KRTAP4-12: variants seen among roughly 807,000 people sequenced by gnomAD.
KRTAP4-12 encodes keratin associated protein 4-12, also known as keratin-associated protein 4-12.
A neutral mutation model predicts 0.9 loss-of-function variants in KRTAP4-12; 1 was observed. The observed-to-expected ratio is 1.11, with a 90% CI of 0.40 to 5.29. The LOEUF (loss-of-function observed/expected upper bound fraction) is 5.29. KRTAP4-12 is among the 30% of genes most tolerant of loss of function. The probability of loss-of-function intolerance (pLI) is 0.16; values close to 1 mark genes in which losing one functional copy is unlikely to be tolerated. For missense variants in KRTAP4-12, 240 were observed against 265.6 expected (o/e 0.90, Z 0.67); for synonymous variants, 85 against 94.0 (o/e 0.90, Z 0.55).
At position 41,123,938 on chromosome 17, in the gene KRTAP4-12, C is replaced by A; in HGVS notation, c.185G>T (p.Arg62Leu). ...GCAGGTGGTCTGACAGCAGCTGGGG[C>A]GGCAGCAGGTGGGCTGACAGCACAC... ...QSVCCQPTCC[R>L]PSCCQTTCCR... is the part of the protein sequence containing the mutation. The change falls in exon 1 of 1, where the codon CGC (arginine) becomes CTC (leucine). Residue 62 changes from arginine (R) to leucine (L), a missense_variant. By Grantham distance (102) the Arg-to-Leu change is moderately radical. Coordinates refer to ENST00000394014, the MANE Select transcript of KRTAP4-12 (RefSeq NM_031854.3). The A allele has an allele frequency of 5.1e-6, 8 of 1,559,600 alleles. No homozygotes were observed. The highest frequency in any genetic ancestry group is 6.0e-6 in the Non-Finnish European group (7 of 1,171,604).
chr17:41,123,330 T>A lies in KRTAP4-12; in HGVS notation c.*187A>T. 1 of 1,169,586 alleles carries A rather than the reference T, an allele frequency of 8.6e-7. No homozygotes were observed. Among genetic ancestry groups the A allele is most frequent in the Non-Finnish European group, 1.2e-6 (1 of 846,732 alleles). The allele number at this position is 1,169,586 out of a possible 1,614,324, so 72.5% of individuals were successfully genotyped here. On this transcript the variant is annotated 3_prime_UTR_variant, in exon 1 of 1. Transcript: ENST00000394014. Reference sequence around the variant, plus strand: ...ACAATTTGTCAATTTATTAGGAGATTGTCAATGAATTCCTTTGGAAGGAAG... The same window carrying A: ...ACAATTTGTCAATTTATTAGGAGATAGTCAATGAATTCCTTTGGAAGGAAG...
rs867314132 is a variant in KRTAP4-12 at position 41,123,360 on chromosome 17, T to C, written c.*157A>G. ...ATGAATTCCTTTGGAAGGAAGGGAG[T>C]TTGGACAAAAGGTAGAATGCAAATA... On this transcript the variant is annotated 3_prime_UTR_variant, in exon 1 of 1. Coordinates refer to ENST00000394014, the MANE Select transcript of KRTAP4-12 (RefSeq NM_031854.3). The C allele has an allele frequency of 3.8e-5, 52 of 1,365,128 alleles. No individual in the cohort carries two copies. Among genetic ancestry groups the C allele is most frequent in the South Asian group, 3.5e-4 (22 of 63,154 alleles). 84.6% of individuals were successfully genotyped at this position (1,365,128 alleles called of 1,614,324 possible). A position where few individuals can be genotyped will look rare whatever the true frequency, so the allele number is the denominator to read the frequency against.
In KRTAP4-12 at chr17:41,123,211, T is replaced by A; in HGVS notation, c.*306A>T. 1.8e-6 allele frequency: 1 copy of A among 548,814 alleles called. No individual in the cohort carries two copies. The highest frequency in any genetic ancestry group is 3.1e-6 in the Non-Finnish European group (1 of 321,046). The allele number at this position is 548,814 out of a possible 1,614,324, so 34.0% of individuals were successfully genotyped here. A position where few individuals can be genotyped will look rare whatever the true frequency, so the allele number is the denominator to read the frequency against. On this transcript the variant is annotated 3_prime_UTR_variant, in exon 1 of 1. Transcript: ENST00000394014. Reference sequence around the variant, plus strand: ...GACTTCAAGGTTGGAGGCTTTAAGATCTGTGGCCCTACAAATGATGGAGGC... The same window carrying A: ...GACTTCAAGGTTGGAGGCTTTAAGAACTGTGGCCCTACAAATGATGGAGGC...
Position 41,123,462 on chromosome 17 carries a change from G to A in KRTAP4-12, c.*55C>T. The A allele has an allele frequency of 6.5e-7, 1 of 1,545,170 alleles. No homozygotes were observed. The highest frequency in any genetic ancestry group is 8.7e-7 in the Non-Finnish European group (1 of 1,143,908). On this transcript the variant is annotated 3_prime_UTR_variant, in exon 1 of 1. Transcript: ENST00000394014. ...AACAGTCCGCATGTTTGCAATGAGAGCCTTCATCTGTAGGAAAGGACGTAA... is the reference window on the plus strand; with the variant it reads ...AACAGTCCGCATGTTTGCAATGAGAACCTTCATCTGTAGGAAAGGACGTAA...
In KRTAP4-12 at chr17:41,123,501, T is replaced by C. The variant is rs2014440068; in HGVS notation, c.*16A>G. 6.2e-7 allele frequency: 1 copy of C among 1,604,320 alleles called. No individual in the cohort carries two copies. The highest frequency in any genetic ancestry group is 2.2e-5 in the East Asian group (1 of 44,628). On this transcript the variant is annotated 3_prime_UTR_variant, in exon 1 of 1. Transcript: ENST00000394014. ...GAAAGGACGTAATAAGGAAGTGGTG[T>C]GTTCACAGCAGAGATTTAGCAGCAA... is the stretch of plus-strand genomic sequence containing the variant.
In KRTAP4-12 at chr17:41,123,665, G is replaced by A. The variant is rs767025105; in HGVS notation, c.458C>T (p.Pro153Leu). ...GCAGCAGCTGGATTCACAGCAAGAG[G>A]GGCAGCAGCTGCTGGAGATGCAGCA... The part of the protein sequence containing the change: ...PSCCISSSCC[P>L]SCCESSCCRP... Residue 153 changes from proline to leucine, a missense_variant, in exon 1 of 1, where the codon CCC becomes CTC. Physicochemically the swap from Pro to Leu is moderately conservative, Grantham distance 98. Transcript: ENST00000394014. 6.2e-6 allele frequency: 10 copies of A among 1,613,402 alleles called. No individual in the cohort carries two copies. The highest frequency in any genetic ancestry group is 1.1e-5 in the South Asian group (1 of 91,058).
In KRTAP4-12 at chr17:41,123,102, A is replaced by G. The variant is rs189451990; in HGVS notation, c.*415T>C. On this transcript the variant is annotated 3_prime_UTR_variant, in exon 1 of 1. Transcript: ENST00000394014. The stretch of plus-strand genomic sequence containing the variant: ...AGAATCATATTCAATTTTCAGTGCC[A>G]ATAGAATAGAGGTTTATTTTGGTAC... 1 of 236,316 alleles carries G rather than the reference A, an allele frequency of 4.2e-6. No homozygotes were observed. Among genetic ancestry groups the G allele is most frequent in the Admixed American group, 5.0e-5 (1 of 19,910 alleles). The allele number at this position is 236,316 out of a possible 1,614,324, so 14.6% of individuals were successfully genotyped here.
At position 41,124,071 on chromosome 17, in the gene KRTAP4-12, C is replaced by T. The variant is rs768316788; in HGVS notation, c.52G>A (p.Glu18Lys). 2.5e-6 allele frequency: 4 copies of T among 1,613,672 alleles called. No individual in the cohort carries two copies. ...SVCSDQGCGL[E>K]NCCRPSCCQT... ...CAGCAGCTGGGGCGGCAGCAGTTCT[C>T]CAGGCCACAGCCCTGGTCAGAGCAC... The change falls in exon 1 of 1, where the codon GAG becomes AAG. Residue 18 changes from glutamate to lysine, a missense_variant. This residue lies in a region of KRTAP4-12 where 110 missense variants were observed against 115.0 expected (regional missense o/e 0.96). Transcript: ENST00000394014.
rs1555584236 is a variant in KRTAP4-12 at position 41,123,879 on chromosome 17, C to T, written c.244G>A (p.Val82Met). Reference sequence around the variant, plus strand: ...CACTGGGGTCTGCAGCAGCTGGACACACAGCAGCTGGGGCGGCAGCAGGTG... The same window carrying T: ...CACTGGGGTCTGCAGCAGCTGGACATACAGCAGCTGGGGCGGCAGCAGGTG... ...RTTCCRPSCC[V>M]SSCCRPQCCQ... Residue 82 changes from valine to methionine, a missense_variant, in exon 1 of 1, where the codon GTG becomes ATG. Around this residue, in one of 3 missense-constraint regions of KRTAP4-12, gnomAD observed 110 missense variants for 115.0 expected, o/e 0.96. Transcript: ENST00000394014. The T allele has an allele frequency of 6.4e-7, 1 of 1,567,942 alleles. No individual in the cohort carries two copies. Among genetic ancestry groups the T allele is most frequent in the East Asian group, 2.5e-5 (1 of 39,596 alleles).
At position 41,123,243 on chromosome 17, in the gene KRTAP4-12, C is replaced by T. The variant is rs2014435651; in HGVS notation, c.*274G>A. 3.1e-6 allele frequency: 2 copies of T among 642,930 alleles called. No individual in the cohort carries two copies. Among genetic ancestry groups the T allele is most frequent in the Admixed American group, 3.5e-5 (1 of 28,862 alleles). 39.8% of individuals were successfully genotyped at this position (642,930 alleles called of 1,614,324 possible). ...CCCTACAAATGATGGAGGCAATCTTCAAATTCCTTAGGCATGATGAATAAA... is the reference window on the plus strand; with the variant it reads ...CCCTACAAATGATGGAGGCAATCTTTAAATTCCTTAGGCATGATGAATAAA... On this transcript the variant is annotated 3_prime_UTR_variant, in exon 1 of 1. Transcript: ENST00000394014.
In KRTAP4-12 at chr17:41,124,064, C is replaced by A. The variant is rs375200485; in HGVS notation, c.59G>T (p.Cys20Phe). 1.9e-6 allele frequency: 3 copies of A among 1,613,882 alleles called. No homozygotes were observed. The highest frequency in any genetic ancestry group is 2.5e-6 in the Non-Finnish European group (3 of 1,179,970). Reference sequence around the variant, plus strand: ...GGTCTGGCAGCAGCTGGGGCGGCAGCAGTTCTCCAGGCCACAGCCCTGGTC... The same window carrying A: ...GGTCTGGCAGCAGCTGGGGCGGCAGAAGTTCTCCAGGCCACAGCCCTGGTC... ...CSDQGCGLEN[C>F]CRPSCCQTTC... The change falls in exon 1 of 1, where the codon TGC becomes TTC. Residue 20 changes from cysteine to phenylalanine, a missense_variant. Cys to Phe is a radical substitution (Grantham distance 205). Coordinates refer to ENST00000394014, the MANE Select transcript of KRTAP4-12 (RefSeq NM_031854.3).
In KRTAP4-12 at chr17:41,123,961, C is replaced by A; in HGVS notation, c.162G>T (p.Val54=). The A allele has an allele frequency of 6.4e-7, 1 of 1,551,870 alleles. No homozygotes were observed. Among genetic ancestry groups the A allele is most frequent in the Non-Finnish European group, 8.6e-7 (1 of 1,168,108 alleles). ...GGCGGCAGCAGGTGGGCTGACAGCACACAGACTGGCAGCACTGGGGCCTGC... is the reference window on the plus strand; with the variant it reads ...GGCGGCAGCAGGTGGGCTGACAGCAAACAGACTGGCAGCACTGGGGCCTGC... ...SCCRPQCCQS[V]CCQPTCCRPS... is the part of the protein sequence containing the mutation. Residue 54 remains valine (V), a synonymous_variant, in exon 1 of 1, where the codon GTG becomes GTT. Coordinates refer to ENST00000394014, the MANE Select transcript of KRTAP4-12 (RefSeq NM_031854.3).
In KRTAP4-12 at chr17:41,123,351, G is replaced by A. The variant is rs1014225320; in HGVS notation, c.*166C>T. 13 of 1,307,744 alleles carry A rather than the reference G, an allele frequency of 9.9e-6. No individual in the cohort carries two copies. The Middle Eastern group carries it at 2.2e-3, about 221-fold the overall frequency. The allele number at this position is 1,307,744 out of a possible 1,614,324, so 81.0% of individuals were successfully genotyped here. A position where few individuals can be genotyped will look rare whatever the true frequency, so the allele number is the denominator to read the frequency against. ...AGATTGTCAATGAATTCCTTTGGAA[G>A]GAAGGGAGTTTGGACAAAAGGTAGA... is the stretch of plus-strand genomic sequence containing the variant. On this transcript the variant is annotated 3_prime_UTR_variant, in exon 1 of 1. Transcript: ENST00000394014.
Position 41,124,179 on chromosome 17 carries a change from T to G in KRTAP4-12, c.-57A>C. On this transcript the variant is annotated 5_prime_UTR_variant, in exon 1 of 1. Transcript: ENST00000394014. Reference sequence around the variant, plus strand: ...TCCAGGAGAGTGAGTGTTCTGAGTTTGATCTCTCCTTGTTCTCTCTTTTGC... The same window carrying G: ...TCCAGGAGAGTGAGTGTTCTGAGTTGGATCTCTCCTTGTTCTCTCTTTTGC... 6.4e-7 allele frequency: 1 copy of G among 1,563,196 alleles called. No homozygotes were observed. Among genetic ancestry groups the G allele is most frequent in the Non-Finnish European group, 8.7e-7 (1 of 1,154,982 alleles).
In KRTAP4-12 at chr17:41,124,130, G is replaced by T. The variant is rs374411876; in HGVS notation, c.-8C>A. On this transcript the variant is annotated 5_prime_UTR_variant, in exon 1 of 1. In the 5' UTR this introduces an upstream ATG that the reference lacks. Transcript: ENST00000394014. ...ACAACAGGAGTTGACCATGGTGTCA[G>T]AGGGTGGAGGTTCTCGGTGGGTTTC... The T allele has an allele frequency of 1.9e-6, 3 of 1,603,582 alleles. No homozygotes were observed. The African/African-American group carries it at 4.0e-5, about 21-fold the overall frequency.
rs1179513773 is a variant in KRTAP4-12, at chr17:41,123,158, A to C, written c.*359T>G. ...AATAACAAGGTACAAAAATGTTTGC[A>C]AAAGACTTTAAGAGAGAGACTTCAC... is the stretch of plus-strand genomic sequence containing the variant. On this transcript the variant is annotated 3_prime_UTR_variant, in exon 1 of 1. Coordinates refer to ENST00000394014, the MANE Select transcript of KRTAP4-12 (RefSeq NM_031854.3). The C allele has an allele frequency of 2.7e-6, 1 of 373,366 alleles. No homozygotes were observed. The highest frequency in any genetic ancestry group is 4.8e-6 in the Non-Finnish European group (1 of 209,842). 23.1% of individuals were successfully genotyped at this position (373,366 alleles called of 1,614,324 possible).
rs2014436063 is a variant in KRTAP4-12 at position 41,123,262 on chromosome 17, G to A, written c.*255C>T. 8 of 718,800 alleles carry A rather than the reference G, an allele frequency of 1.1e-5. No homozygotes were observed. In the South Asian group the frequency reaches 1.7e-4, roughly 15 times the overall value. 44.5% of individuals were successfully genotyped at this position (718,800 alleles called of 1,614,324 possible). On this transcript the variant is annotated 3_prime_UTR_variant, in exon 1 of 1. Transcript: ENST00000394014. ...AATCTTCAAATTCCTTAGGCATGAT[G>A]AATAAATGTCCTGAAGTCAAAGAGG...
Position 41,123,898 on chromosome 17 carries a change from G to C in KRTAP4-12, c.225C>G (p.Cys75Trp). ...CCQTTCCRTT[C>W]CRPSCCVSSC... ...TGGACACACAGCAGCTGGGGCGGCA[G>C]CAGGTGGTCCTACAGCAGGTGGTCT... Residue 75 changes from cysteine (C) to tryptophan (W), a missense_variant, in exon 1 of 1, where the codon TGC becomes TGG. Cys to Trp is a radical substitution (Grantham distance 215, BLOSUM62 -2). Coordinates refer to ENST00000394014, the MANE Select transcript of KRTAP4-12 (RefSeq NM_031854.3). 5.1e-6 allele frequency: 8 copies of C among 1,566,870 alleles called. No individual in the cohort carries two copies. The highest frequency in any genetic ancestry group is 6.8e-6 in the Non-Finnish European group (8 of 1,173,348).
In KRTAP4-12 at chr17:41,123,444, C is replaced by A; in HGVS notation, c.*73G>T. Reference sequence around the variant, plus strand: ...CCCAGATCAATTCTCTTGAACAGTCCGCATGTTTGCAATGAGAGCCTTCAT... The same window carrying A: ...CCCAGATCAATTCTCTTGAACAGTCAGCATGTTTGCAATGAGAGCCTTCAT... On this transcript the variant is annotated 3_prime_UTR_variant, in exon 1 of 1. Transcript: ENST00000394014. 6.6e-7 allele frequency: 1 copy of A among 1,521,430 alleles called. No homozygotes were observed. Among genetic ancestry groups the A allele is most frequent in the East Asian group, 2.4e-5 (1 of 41,144 alleles). 94.2% of individuals were successfully genotyped at this position (1,521,430 alleles called of 1,614,324 possible).
Sources: gnomAD v4.1 joint callset for allele counts on GRCh38, gnomAD v4.1.1 for gene constraint, gnomAD v4.1.1 regional missense constraint, MANE v1.5 for transcripts, NCBI Gene and HGNC (gene_info 2026-07-23, HGNC 2026-07-21) for gene names.